The following TMEM178B variants were observed in gnomAD, a reference collection of about 807,000 sequenced individuals.
TMEM178B encodes transmembrane protein 178B.
A neutral mutation model predicts 31.0 loss-of-function variants in TMEM178B; 5 were observed. The ratio of observed to expected loss-of-function variants is 0.16; its 90% CI spans 0.08 to 0.34. TMEM178B has a LOEUF of 0.34. Among genes scored for constraint, TMEM178B ranks in the 10% least tolerant of loss-of-function variants. TMEM178B has a pLI of 1.00. For missense variants in TMEM178B, 275 were observed against 400.3 expected (o/e 0.69, Z 2.67); for synonymous variants, 164 against 164.0 (o/e 1.00, Z 0.00).
intron 1 of TMEM178B, among the ~76,000 whole-genome samples, chr7:141,207,265 G>T (rs1399995339): frequency 2.0e-5 from 3 of 152,190 alleles, no homozygotes; most frequent in African/African-American, 7.2e-5. Flanking sequence ...GAACATGGGA[G>T]TGCAGATATC....
chr7:141,153,389 T>C (rs545421618), intron 1 of TMEM178B, among the ~76,000 whole-genome samples: 1 of 152,366 alleles, frequency 6.6e-6, no homozygotes, highest in East Asian at 1.9e-4. Context: ...GGAACTTTAG[T>C]TTGCTTATAA....
At chr7:141,118,130 A>C (rs1795349983) in intron 1 of TMEM178B, among the ~76,000 whole-genome samples, 1 of 152,264 alleles carries the variant, frequency 6.6e-6, no homozygotes, top group African/African-American at 2.4e-5. Context: ...GGACTCGATC[A>C]GCACTGCAGA....
chr7:141,421,213 C>G (rs1801203624), intron 2 of TMEM178B, among the ~76,000 whole-genome samples: 2 of 152,168 alleles, frequency 1.3e-5, no homozygotes, highest in African/African-American at 4.8e-5. Context: ...CCTTCTCCAT[C>G]ATGCTTCTAA....
At chr7:141,462,575 A>C (rs764972102) in intron 3 of TMEM178B, among the ~76,000 whole-genome samples, 3 of 151,912 alleles carry the variant, frequency 2.0e-5, no homozygotes, top group Non-Finnish European at 4.4e-5. Context: ...AAACCGAGGA[A>C]AGAGATAGCC....
intron 2 of TMEM178B, among the ~76,000 whole-genome samples, chr7:141,277,673 T>C (rs1479842166): frequency 6.6e-6 from 1 of 152,130 alleles, no homozygotes; most frequent in East Asian, 1.9e-4. Context: ...GTCATATACG[T>C]GGCTCACTGT....
chr7:141,496,737 A>T, the TMEM178B span, among the ~76,000 whole-genome samples: 8 of 150,830 alleles, frequency 5.3e-5, no homozygotes, highest in Non-Finnish European at 1.2e-4. Flanking sequence ...GAATCATTTT[A>T]AAATCACTAT....
At chr7:141,139,362 A>C (rs1369810583) in intron 1 of TMEM178B, among the ~76,000 whole-genome samples, 1 of 151,066 alleles carries the variant, frequency 6.6e-6, no homozygotes, top group Non-Finnish European at 1.5e-5. Flanking sequence ...CACTTTAAAA[A>C]ATTTTTTTAG....
At chr7:141,218,669 T>C (rs540392680) in intron 2 of TMEM178B, among the ~76,000 whole-genome samples, 1 of 152,222 alleles carries the variant, frequency 6.6e-6, no homozygotes, top group Non-Finnish European at 1.5e-5. Context: ...ACCTGGACTC[T>C]CCGGTGCCCT....
At chr7:141,336,858 CTACCATCAT>C (rs1301939113) in intron 2 of TMEM178B, among the ~76,000 whole-genome samples, 31 of 130,864 alleles carry the variant, frequency 2.4e-4, no homozygotes, top group African/African-American at 8.8e-4. Flanking sequence ...ATTACCATCA[CTACCATCAT>C]CATCACCACC....
intron 1 of TMEM178B, among the ~76,000 whole-genome samples, chr7:141,098,204 T>A (rs1245962351): frequency 1.3e-5 from 2 of 152,178 alleles, no homozygotes; most frequent in African/African-American, 4.8e-5. Context: ...TCTTTCCAAT[T>A]TATTATCTCT....
intron 1 of TMEM178B, among the ~76,000 whole-genome samples, chr7:141,097,443 T>C (rs1377082469): frequency 6.6e-6 from 1 of 151,694 alleles, no homozygotes; most frequent in Non-Finnish European, 1.5e-5. Flanking sequence ...TATAGTAATC[T>C]GTATGTATTT....
intron 1 of TMEM178B, among the ~76,000 whole-genome samples, chr7:141,183,884 C>A (rs994025575): frequency 2.0e-5 from 3 of 152,214 alleles, no homozygotes; most frequent in Non-Finnish European, 4.4e-5. Flanking sequence ...CCCCGGCATG[C>A]GGCCTCCTTG....
At chr7:141,112,278 G>A (rs1795245691) in intron 1 of TMEM178B, among the ~76,000 whole-genome samples, 1 of 152,068 alleles carries the variant, frequency 6.6e-6, no homozygotes, top group Non-Finnish European at 1.5e-5. Context: ...TTTAAAGGCA[G>A]AGTCTTGCTC....
chr7:141,502,694 C>T, the TMEM178B span, among the ~76,000 whole-genome samples: 754 of 151,860 alleles, frequency 5.0e-3, 10 homozygotes, highest in African/African-American at 0.017. Context: ...CGCTTGAACC[C>T]GGGAGGCGGA....
intron 1 of TMEM178B, among the ~76,000 whole-genome samples, chr7:141,194,833 ACATCTTCTGAAG>A (rs1327705962): frequency 6.6e-6 from 1 of 152,092 alleles, no homozygotes; most frequent in African/African-American, 2.4e-5. Flanking sequence ...GCATTTCCAC[ACATCTTCTGAAG>A]TCTAGGTGCA....
chr7:141,348,988 C>CA, intron 2 of TMEM178B, among the ~76,000 whole-genome samples: 1 of 152,138 alleles, frequency 6.6e-6, no homozygotes. Flanking sequence ...AATGTTCCCA[C>CA]AGTGACTGAC....
intron 1 of TMEM178B, among the ~76,000 whole-genome samples, chr7:141,082,961 A>C (rs985184471): frequency 6.6e-6 from 1 of 152,190 alleles, no homozygotes; most frequent in Non-Finnish European, 1.5e-5. Context: ...GGTCAATTAG[A>C]GGATCAATAC....
intron 2 of TMEM178B, among the ~76,000 whole-genome samples, chr7:141,311,370 A>G (rs181347333): frequency 2.8e-4 from 43 of 152,338 alleles, no homozygotes; most frequent in African/African-American, 9.4e-4. Context: ...AAATTAGTAG[A>G]AAGGTTAATT....
intron 1 of TMEM178B, among the ~76,000 whole-genome samples, chr7:141,099,758 T>A (rs1795021617): frequency 6.6e-6 from 1 of 152,132 alleles, no homozygotes; most frequent in Admixed American, 6.5e-5. Flanking sequence ...CATTGACTCC[T>A]ATATCCAGCT....
Sources: gnomAD v4.1 joint callset for allele counts (sites outside exome capture counted in the v4.1 genomes callset) on GRCh38, gnomAD v4.1.1 for gene constraint, MANE v1.5 for transcripts, NCBI Gene and HGNC (gene_info 2026-07-23, HGNC 2026-07-21) for gene names.